The following LRP1B variants were observed in gnomAD, a reference collection of about 807,000 sequenced individuals.
LRP1B encodes LDL receptor related protein 1B, also known as low-density lipoprotein receptor-related protein 1B.
LRP1B carries 217 observed loss-of-function variants against 556.6 expected under a neutral mutation model. The observed-to-expected ratio is 0.39, with a 90% CI of 0.35 to 0.44. The LOEUF is 0.44. Ranked by LOEUF, LRP1B falls within the 20% of genes least tolerant of loss-of-function variation. LRP1B has a pLI of 1.00. For synonymous variants in LRP1B, 2,047 were observed against 1,865.8 expected, an observed-to-expected ratio of 1.10 and a Z score of -2.50; for missense variants, 5,053 against 5,620.8, an observed-to-expected ratio of 0.90 and a Z score of 3.23.
chr2:141,534,759 G>T (rs1250713971), intron 2 of LRP1B, among the ~76,000 whole-genome samples: 1 of 152,140 alleles, frequency 6.6e-6, no homozygotes, highest in Non-Finnish European at 1.5e-5. Context: ...AGGAAATGTT[G>T]TACTGCATTT....
intron 43 of LRP1B, among the ~76,000 whole-genome samples, chr2:140,568,193 C>A (rs1681195703): frequency 4.3e-5 from 3 of 69,282 alleles, no homozygotes; most frequent in African/African-American, 8.7e-5. Context: ...GATAATGCAC[C>A]ATGGTCCAAA....
At chr2:140,333,309 T>C (rs996075115) in intron 79 of LRP1B, among the ~76,000 whole-genome samples, 2 of 152,092 alleles carry the variant, frequency 1.3e-5, no homozygotes, top group Non-Finnish European at 2.9e-5. Context: ...CTTTTCTGTA[T>C]AGCATGTATA....
intron 7 of LRP1B, among the ~76,000 whole-genome samples, chr2:141,109,756 G>C (rs1700701937): frequency 1.3e-5 from 2 of 151,984 alleles, no homozygotes; most frequent in Non-Finnish European, 2.9e-5. Context: ...AGGAAGCTAA[G>C]CAGAAGGCTA....
At chr2:141,786,943 T>C (rs1363099349) in intron 2 of LRP1B, among the ~76,000 whole-genome samples, 1 of 151,954 alleles carries the variant, frequency 6.6e-6, no homozygotes, top group Non-Finnish European at 1.5e-5. Context: ...TGAATTATAT[T>C]GAGTGATTTT....
At chr2:142,094,934 G>A (rs536426891) in intron 1 of LRP1B, among the ~76,000 whole-genome samples, 2 of 151,824 alleles carry the variant, frequency 1.3e-5, no homozygotes, top group South Asian at 2.1e-4. Context: ...TCTCTCAGAT[G>A]CCATGTATCT....
intron 35 of LRP1B, among the ~76,000 whole-genome samples, chr2:140,755,011 G>A (rs1208005244): frequency 5.3e-5 from 7 of 132,576 alleles, no homozygotes; most frequent in African/African-American, 2.0e-4. Context: ...AGTAGATACA[G>A]AAATAAAAAA....
At chr2:140,646,402 C>T (rs1340260671) in intron 41 of LRP1B, among the ~76,000 whole-genome samples, 4 of 152,154 alleles carry the variant, frequency 2.6e-5, no homozygotes, top group African/African-American at 7.2e-5. Flanking sequence ...CATTTCCCAT[C>T]CTCCTAATTT....
rs976965390 is a variant in LRP1B at position 141,131,407 on chromosome 2, T to TTTTATATATATATATATA, written c.1013+57013_1013+57014insTATATATATATATATAAA. Among the ~76,000 whole-genome samples, 527 of 110,670 alleles carry TTTTATATATATATATATA rather than the reference T, an allele frequency of 4.8e-3. 9 individuals are homozygous for TTTTATATATATATATATA. The highest frequency in any genetic ancestry group is 0.019 in the African/African-American group (487 of 25,834). 72.6% of individuals were successfully genotyped at this position (110,670 alleles called of 152,430 possible). A position where few individuals can be genotyped will look rare whatever the true frequency, so the allele number is the denominator to read the frequency against. On this transcript the variant is annotated intron_variant, in intron 7 of 90. Coordinates refer to ENST00000389484, the MANE Select transcript of LRP1B (RefSeq NM_018557.3). ...GGTTACAAAATTATAATGCATAAAG[T>TTTTATATATATATATATA]TATATATATATATATATATATATTT...
intron 1 of LRP1B, among the ~76,000 whole-genome samples, chr2:141,951,819 A>G (rs1421331959): frequency 1.3e-5 from 2 of 152,138 alleles, no homozygotes; most frequent in African/African-American, 4.8e-5. Context: ...GAAACAACTG[A>G]TGTAAAAGTT....
intron 41 of LRP1B, among the ~76,000 whole-genome samples, chr2:140,663,284 GTCA>G (rs1445514737): frequency 6.6e-6 from 1 of 151,962 alleles, no homozygotes; most frequent in Non-Finnish European, 1.5e-5. Context: ...AAATACACTG[GTCA>G]TCATCATCAT....
Position 140,370,802 on chromosome 2 carries a change from C to T in LRP1B, c.10916G>A (p.Cys3639Tyr), listed in dbSNP as rs1021055992. 1.2e-6 allele frequency: 2 copies of T among 1,612,686 alleles called. No homozygotes were observed. The highest frequency in any genetic ancestry group is 1.7e-6 in the Non-Finnish European group (2 of 1,179,082). ...TGGAATACAGTGGGCTTTATTTTTG[C>T]ACCGAAACTGATCTTCCTTACATTC... ...VTECKEDQFRCKNKAHCIPIR... is the reference protein window; with the variant it reads ...VTECKEDQFRYKNKAHCIPIR... The change falls in exon 71 of 91, where the codon TGC (cysteine) becomes TAC (tyrosine). Residue 3639 changes from cysteine to tyrosine, a missense_variant. Coordinates refer to ENST00000389484, the MANE Select transcript of LRP1B (RefSeq NM_018557.3).
At chr2:140,631,279 A>G (rs529197098) in intron 41 of LRP1B, among the ~76,000 whole-genome samples, 87 of 152,346 alleles carry the variant, frequency 5.7e-4, no homozygotes, top group African/African-American at 2.0e-3. Context: ...ATGACATGCT[A>G]AAAGGCAAAG....
intron 1 of LRP1B, among the ~76,000 whole-genome samples, chr2:141,985,370 C>G (rs1032001463): frequency 6.6e-6 from 1 of 152,002 alleles, no homozygotes; most frequent in African/African-American, 2.4e-5. Context: ...CAGCACATTA[C>G]CATCAAAGAG....
chr2:141,368,184 TAATC>T (rs1255738130), intron 3 of LRP1B, among the ~76,000 whole-genome samples: 3 of 152,220 alleles, frequency 2.0e-5, no homozygotes, highest in Non-Finnish European at 4.4e-5. Context: ...AGAAGTCAGT[TAATC>T]AAAGTATGAA....
intron 41 of LRP1B, among the ~76,000 whole-genome samples, chr2:140,603,364 A>G (rs1392342259): frequency 6.6e-6 from 1 of 152,144 alleles, no homozygotes; most frequent in Non-Finnish European, 1.5e-5. Flanking sequence ...TAAATCATTA[A>G]TTAATAAATC....
At chr2:142,130,256 C>T (rs1707804309) in intron 1 of LRP1B, among the ~76,000 whole-genome samples, 1 of 152,228 alleles carries the variant, frequency 6.6e-6, no homozygotes, top group East Asian at 1.9e-4. Context: ...ACACGCTTAA[C>T]GCGGAGAACC....
chr2:140,697,907 A>C (rs1000072574), intron 41 of LRP1B, among the ~76,000 whole-genome samples: 1 of 152,152 alleles, frequency 6.6e-6, no homozygotes, highest in African/African-American at 2.4e-5. Context: ...TTGTACACTT[A>C]AAAATGGGTA....
rs1255757232 is a variant in LRP1B, at chr2:140,483,636, A to T, written c.9425+1707T>A. ...CACACATATATATATATATATATAT[A>T]TATATTTTTTTTTTTTTTTTTTGAG... On this transcript the variant is annotated intron_variant, in intron 59 of 90. Coordinates refer to ENST00000389484, the MANE Select transcript of LRP1B (RefSeq NM_018557.3). 3.9e-3 allele frequency among the ~76,000 whole-genome samples: 279 copies of T among 72,276 alleles called. 4 individuals carry two copies. Among genetic ancestry groups the T allele is most frequent in the African/African-American group, 0.013 (266 of 20,472 alleles). 47.4% of individuals were successfully genotyped at this position (72,276 alleles called of 152,430 possible).
intron 1 of LRP1B, among the ~76,000 whole-genome samples, chr2:141,976,538 C>A (rs1701892628): frequency 6.6e-6 from 1 of 151,964 alleles, no homozygotes; most frequent in Non-Finnish European, 1.5e-5. Context: ...CTTGTCTGGA[C>A]AATAAAGATA....
Sources: allele counts gnomAD v4.1 joint callset (sites outside exome capture counted in the v4.1 genomes callset), GRCh38; gene constraint gnomAD v4.1.1; transcripts MANE v1.5; gene names NCBI Gene and HGNC (gene_info 2026-07-23, HGNC 2026-07-21).